NOC2L: variants seen among roughly 807,000 people sequenced by gnomAD.
The protein encoded by NOC2L is NOC2 like nucleolar associated transcriptional repressor, also known as nucleolar complex protein 2 homolog.
In NOC2L, 101 loss-of-function variants were observed where a neutral mutation model predicts 94.2. That is an observed-to-expected ratio of 1.07 (90% confidence interval 0.91 to 1.26). NOC2L has a LOEUF of 1.26. Ranked by LOEUF, NOC2L falls within the 50% of genes most tolerant of loss-of-function variation. The pLI is 0.00. For synonymous variants in NOC2L, 531 were observed against 413.4 expected, an observed-to-expected ratio of 1.28 and a Z score of -3.45; for missense variants, 1,076 against 980.1, an observed-to-expected ratio of 1.10 and a Z score of -1.31.
At position 954,707 on chromosome 1, in the gene NOC2L, G is replaced by A. The variant is rs186866471; in HGVS notation, c.699-625C>T. Among the ~76,000 whole-genome samples, 249 of 152,168 alleles carry A rather than the reference G, an allele frequency of 1.6e-3. 1 individual carries two copies. Among genetic ancestry groups the A allele is most frequent in the South Asian group, 6.2e-4 (3 of 4,816 alleles). On this transcript the variant is annotated intron_variant, in intron 6 of 18. Transcript: ENST00000327044. The stretch of plus-strand genomic sequence containing the variant: ...AATATTATCCAGGCCTGGTGGCGGA[G>A]TCCCAGTTACTTGGGAGGCTAAGGT...
intron 13 of NOC2L, 74 bp downstream of exon 13, chr1:948,416 C>G (rs1442184875): frequency 8.3e-7 from 1 of 1,201,766 alleles, no homozygotes; most frequent in African/African-American, 1.5e-5. Flanking sequence ...ATGCCAGCCC[C>G]CTCCCATCCA....
At position 957,272 on chromosome 1, in the gene NOC2L, G is replaced by A. The variant is rs762293011; in HGVS notation, c.181C>T (p.Arg61Trp). ...TGCTCAGAGGCACGGCCTTTACGCC[G>A]GCTGAGGAGGCAGAAGTCAGCGACC... ...DKPGGSPSAS[R>W]RKGRASEHKD... is the part of the protein sequence containing the mutation. Residue 61 changes from arginine to tryptophan, a missense_variant and splice_region_variant, in exon 3 of 19, where the codon CGG (arginine) becomes TGG (tryptophan). Arg to Trp is a moderately radical substitution (Grantham distance 101, BLOSUM62 -3). Around this residue, in one of 3 missense-constraint regions of NOC2L, gnomAD observed 457 missense variants for 386.0 expected, o/e 1.18. Coordinates refer to ENST00000327044, the MANE Select transcript of NOC2L (RefSeq NM_015658.4). 18 of 1,613,222 alleles carry A rather than the reference G, an allele frequency of 1.1e-5. No individual in the cohort carries two copies. Among genetic ancestry groups the A allele is most frequent in the Middle Eastern group, 1.6e-4 (1 of 6,072 alleles).
Position 957,112 on chromosome 1 carries a change from G to A in NOC2L, c.341C>T (p.Pro114Leu). ...EEEEGPFHSL[P>L]DVLEEASEEE... ...CCACGCCCTCACCTCCAGCACATCT[G>A]GCAGGGAGTGGAACGGCCCCTCTTC... Residue 114 changes from proline (P) to leucine (L), a missense_variant, in exon 3 of 19, where the codon CCA becomes CTA. By Grantham distance (98) the Pro-to-Leu change is moderately conservative (BLOSUM62 -3). This residue lies in a region of NOC2L where 457 missense variants were observed against 386.0 expected (regional missense o/e 1.18). Coordinates refer to ENST00000327044, the MANE Select transcript of NOC2L (RefSeq NM_015658.4). 6.2e-7 allele frequency: 1 copy of A among 1,614,064 alleles called. No individual in the cohort carries two copies. The highest frequency in any genetic ancestry group is 1.1e-5 in the South Asian group (1 of 91,090).
At chr1:950,502 GAC>G (rs149742804) in intron 12 of NOC2L, among the ~76,000 whole-genome samples, 2,425 of 150,842 alleles carry the variant, frequency 0.016, 18 homozygotes, top group Non-Finnish European at 0.023. Flanking sequence ...GGTATACAAA[GAC>G]ACATGCACAG....
At chr1:950,206 G>A (rs563046721) in intron 12 of NOC2L, among the ~76,000 whole-genome samples, 5 of 146,104 alleles carry the variant, frequency 3.4e-5, no homozygotes, top group South Asian at 2.2e-4. Flanking sequence ...ACAGGTACAC[G>A]CACAGGTACA....
rs149856680 is a variant in NOC2L at position 957,008 on chromosome 1, C to G, written c.372G>C (p.Glu124Asp). The change falls in exon 4 of 19, where the codon GAG becomes GAC. Residue 124 changes from glutamate to aspartate, a missense_variant. Physicochemically the swap from Glu to Asp is conservative, Grantham distance 45. Transcript: ENST00000327044. ...PDVLEEASEEEDGAEEGEDGD... is the reference protein window; with the variant it reads ...PDVLEEASEEDDGAEEGEDGD... Reference sequence around the variant, plus strand: ...CATCTTCTCCTTCCTCCGCTCCATCCTCCTCCTCACTGGCTTCCTGCACAG... The same window carrying G: ...CATCTTCTCCTTCCTCCGCTCCATCGTCCTCCTCACTGGCTTCCTGCACAG... 7 of 1,614,106 alleles carry G rather than the reference C, an allele frequency of 4.3e-6. No individual in the cohort carries two copies. The African/African-American group carries it at 9.3e-5, about 21-fold the overall frequency.
chr1:956,786 C>T (rs577505684), intron 4 of NOC2L, 108 bp downstream of exon 4: 6 of 1,518,760 alleles, frequency 4.0e-6, no homozygotes, highest in East Asian at 2.3e-5. Context: ...AAGGCCAGAT[C>T]TCTGCCTGGG....
Position 946,533 on chromosome 1 carries a change from G to A in NOC2L, c.1672C>T (p.Leu558Phe), listed in dbSNP as rs1336500101. 1.2e-6 allele frequency: 2 copies of A among 1,612,428 alleles called. No homozygotes were observed. The highest frequency in any genetic ancestry group is 1.7e-5 in the Admixed American group (1 of 60,008). Reference sequence around the variant, plus strand: ...TAGTTGGCCACCTTGCACTCCCGGAGGAACGACTTCAGCTGCGGAAGGGAG... The same window carrying A: ...TAGTTGGCCACCTTGCACTCCCGGAAGAACGACTTCAGCTGCGGAAGGGAG... ...LPVVLQLKSF[L>F]RECKVANYCR... Residue 558 changes from leucine (L) to phenylalanine (F), a missense_variant, in exon 15 of 19, where the codon CTC becomes TTC. Transcript: ENST00000327044.
Position 945,696 on chromosome 1 carries a change from G to C in NOC2L, c.1918-43C>G, listed in dbSNP as rs772866895. The C allele has an allele frequency of 6.8e-6, 11 of 1,613,538 alleles. No homozygotes were observed. The Admixed American group carries it at 1.2e-4, about 17-fold the overall frequency. ...CAGGGGCTCAGGTGAGAGAGGGCAG[G>C]GGCTGGCGGCCACAGCAGGGCCAGG... On this transcript the variant is annotated intron_variant, in intron 16 of 18. Coordinates refer to ENST00000327044, the MANE Select transcript of NOC2L (RefSeq NM_015658.4).
chr1:945,125 G>A lies in NOC2L; in HGVS notation c.2075C>T (p.Thr692Ile), dbSNP rs147931528. The change falls in exon 18 of 19, where the codon ACT becomes ATT. Residue 692 changes from threonine to isoleucine, a missense_variant. Coordinates refer to ENST00000327044, the MANE Select transcript of NOC2L (RefSeq NM_015658.4). ...TTCATCGTCTTCCACCCCATGCCGA[G>A]TGCTCAGGGGCCTCAGTATCCCTGA... ...SERGILRPLS[T>I]RHGVEDDEED... is the part of the protein sequence containing the mutation. 2.5e-6 allele frequency: 4 copies of A among 1,611,436 alleles called. No homozygotes were observed. The highest frequency in any genetic ancestry group is 3.4e-6 in the Non-Finnish European group (4 of 1,178,700).
At chr1:952,351 C>A in intron 10 of NOC2L, 61 bp downstream of exon 10, 2 of 1,578,914 alleles carry the variant, frequency 1.3e-6, no homozygotes, top group South Asian at 2.3e-5. Flanking sequence ...TGCCTTGGGT[C>A]GGGCACCTGG....
rs1253913620 is a variant in NOC2L at position 951,157 on chromosome 1, G to A, written c.1413C>T (p.Ala471=). 47 of 1,592,140 alleles carry A rather than the reference G, an allele frequency of 3.0e-5. No homozygotes were observed. The highest frequency in any genetic ancestry group is 3.9e-5 in the Non-Finnish European group (46 of 1,169,384). ...ALTLLSGSSG[A]FIPVLPFILE... is the part of the protein sequence containing the mutation. The stretch of plus-strand genomic sequence containing the variant: ...GGATGAAAGGCAGCACCGGGATGAA[G>A]GCCCCCGAGCTCCCCGAGAGCAGCG... The change falls in exon 12 of 19, where the codon GCC becomes GCT. Residue 471 remains alanine (A), a synonymous_variant. Transcript: ENST00000327044.
rs144491071 is a variant in NOC2L, at chr1:956,105, C to T, written c.597G>A (p.Thr199=). 318 of 1,614,052 alleles carry T rather than the reference C, an allele frequency of 2.0e-4. 1 individual carries two copies. The African/African-American group carries it at 3.6e-3, about 18-fold the overall frequency. Residue 199 remains threonine (T), a synonymous_variant, in exon 5 of 19, where the codon ACG becomes ACA. Coordinates refer to ENST00000327044, the MANE Select transcript of NOC2L (RefSeq NM_015658.4). The part of the protein sequence containing the change: ...ESAEANKFQV[T]DSAAFNALVT... ...TCCCCCCAAGCTCACCAGCACTGTC[C>T]GTGACCTGGAATTTGTTGGCCTCAG...
chr1:955,346 G>A (rs923438692), intron 6 of NOC2L, among the ~76,000 whole-genome samples: 10 of 152,192 alleles, frequency 6.6e-5, no homozygotes, highest in Non-Finnish European at 1.2e-4. Context: ...TCCAACTCTA[G>A]GCCTCCACTG....
chr1:956,455 G>C (rs1226643413), intron 4 of NOC2L, among the ~76,000 whole-genome samples: 1 of 152,154 alleles, frequency 6.6e-6, no homozygotes, highest in Non-Finnish European at 1.5e-5. Flanking sequence ...CCAGATCCTG[G>C]ACTATGGCCA....
At chr1:946,847 CAGG>C (rs1642130133) in intron 14 of NOC2L, 2 of 267,818 alleles carry the variant, frequency 7.5e-6, no homozygotes, top group Non-Finnish European at 1.5e-5. Context: ...CACCTGAGGT[CAGG>C]AGTTCAAGAC....
chr1:945,278 C>CCCTGGGGAGGAACTGGGAGGTCACAGG, intron 17 of NOC2L, 132 bp from the exon 18 acceptor site: 1 of 1,221,744 alleles, frequency 8.2e-7, no homozygotes, highest in Non-Finnish European at 1.1e-6. Flanking sequence ...TGGAGAGGAG[C>CCCTGGGGAGGAACTGGGAGGTCACAGG]CCTGGGGAGG....
At chr1:945,996 C>T (rs1472960522) in intron 16 of NOC2L, among the ~76,000 whole-genome samples, 177 bp downstream of exon 16, 3 of 152,232 alleles carry the variant, frequency 2.0e-5, no homozygotes, top group East Asian at 1.9e-4. Context: ...TCCCTGGAAA[C>T]GCCTGGTTCT....
intron 11 of NOC2L, 64 bp downstream of exon 11, chr1:951,936 C>T: frequency 6.4e-7 from 1 of 1,555,678 alleles, no homozygotes; most frequent in Non-Finnish European, 8.7e-7. Context: ...GCACCGCCCA[C>T]ACAGTCCCAG....
Sources: gnomAD v4.1 joint callset for allele counts (sites outside exome capture counted in the v4.1 genomes callset) on GRCh38, gnomAD v4.1.1 for gene constraint, gnomAD v4.1.1 regional missense constraint, MANE v1.5 for transcripts, NCBI Gene and HGNC (gene_info 2026-07-23, HGNC 2026-07-21) for gene names.